PITPNM2: variants seen among roughly 807,000 people sequenced by gnomAD.
PITPNM2 encodes phosphatidylinositol transfer protein membrane associated 2.
In PITPNM2, 35 loss-of-function variants were observed where a neutral mutation model predicts 132.2. That is an observed-to-expected ratio of 0.26 (90% confidence interval 0.20 to 0.35). The LOEUF (loss-of-function observed/expected upper bound fraction) is 0.35. PITPNM2 is among the 10% of genes least tolerant of loss of function. PITPNM2 has a pLI of 1.00. For missense variants in PITPNM2, 1,332 were observed against 1,912.0 expected (o/e 0.70, Z 5.66); for synonymous variants, 738 against 799.2 (o/e 0.92, Z 1.29).
intron 1 of PITPNM2, among the ~76,000 whole-genome samples, chr12:123,112,181 T>A (rs1368746400): frequency 6.6e-6 from 1 of 152,168 alleles, no homozygotes; most frequent in African/African-American, 2.4e-5. Flanking sequence ...AGGGTCAGGC[T>A]AAGGAGCCAA....
intron 2 of PITPNM2, among the ~76,000 whole-genome samples, chr12:123,042,283 AG>A (rs890454810): frequency 2.7e-4 from 41 of 152,150 alleles, no homozygotes; most frequent in African/African-American, 9.9e-4. Flanking sequence ...GCCAGGCTGG[AG>A]GCATGTGATG....
intron 3 of PITPNM2, among the ~76,000 whole-genome samples, chr12:123,030,630 T>C (rs1048042559): frequency 2.6e-5 from 4 of 151,840 alleles, no homozygotes; most frequent in Non-Finnish European, 5.9e-5. Context: ...GAGGCGGAGC[T>C]TGCAGTGAGC....
intron 1 of PITPNM2, among the ~76,000 whole-genome samples, chr12:123,133,118 C>T (rs927902306): frequency 9.2e-5 from 14 of 152,222 alleles, no homozygotes; most frequent in Admixed American, 6.5e-5. Context: ...TGTTTAACCA[C>T]TTGAGGAACC....
In PITPNM2 at chr12:123,009,241, G is replaced by A. The variant is rs751988050; in HGVS notation, c.643+609C>T. On this transcript the variant is annotated intron_variant, in intron 6 of 25. Transcript: ENST00000320201. The surrounding 1 kb of genome is among the most constrained non-coding windows in gnomAD (Gnocchi z 4.8). The stretch of plus-strand genomic sequence containing the variant: ...TGGAATGACATCATGCTATGACCTC[G>A]GCAGAGGGGGGTTTAGGGCTCTAGG... Among the ~76,000 whole-genome samples the A allele has an allele frequency of 6.6e-5, 10 of 152,262 alleles. No homozygotes were observed. Among genetic ancestry groups the A allele is most frequent in the Non-Finnish European group, 1.2e-4 (8 of 68,012 alleles).
Position 123,078,828 on chromosome 12 carries a change from C to T in PITPNM2, c.-96+31557G>A, listed in dbSNP as rs930066316. Among the ~76,000 whole-genome samples, 1 of 152,222 alleles carries T rather than the reference C, an allele frequency of 6.6e-6. No individual in the cohort carries two copies. The highest frequency in any genetic ancestry group is 2.4e-5 in the African/African-American group (1 of 41,452). The stretch of plus-strand genomic sequence containing the variant: ...GCCTGTGCCAGCCTCACTGCTGCAG[C>T]TGCCCACGTCCCAGCTTCGATACTG... On this transcript the variant is annotated intron_variant, in intron 2 of 25. Transcript: ENST00000320201. This position sits in a 1 kb window ranked among gnomAD's most constrained non-coding sequence, Gnocchi z 7.3.
chr12:123,037,972 C>T (rs146416160), intron 2 of PITPNM2, among the ~76,000 whole-genome samples: 51 of 152,088 alleles, frequency 3.4e-4, no homozygotes, highest in African/African-American at 1.0e-3. Context: ...GATATTTTTG[C>T]GTGCAGGCAG....
chr12:123,086,269 C>T (rs898668077), intron 2 of PITPNM2, among the ~76,000 whole-genome samples: 2 of 152,176 alleles, frequency 1.3e-5, no homozygotes, highest in Non-Finnish European at 2.9e-5. Context: ...GTCCTGGCTC[C>T]ATCATTTACC....
chr12:123,015,298 A>G (rs1301505385), intron 3 of PITPNM2, among the ~76,000 whole-genome samples: 1 of 152,186 alleles, frequency 6.6e-6, no homozygotes, highest in Non-Finnish European at 1.5e-5. Context: ...TTACTACAAA[A>G]CTACAGTAAT....
At chr12:122,995,345 T>A (rs775086054) in intron 14 of PITPNM2, 44 bp downstream of exon 14, 3 of 1,542,202 alleles carry the variant, frequency 1.9e-6, no homozygotes, top group Admixed American at 3.7e-5. Context: ...TTGGAGCCTC[T>A]TCCCACACCC....
intron 3 of PITPNM2, among the ~76,000 whole-genome samples, chr12:123,026,391 C>A (rs1347379677): frequency 6.6e-6 from 1 of 152,240 alleles, no homozygotes; most frequent in Non-Finnish European, 1.5e-5. Flanking sequence ...GGAAGTGCAG[C>A]CCTGCGGACA....
chr12:123,097,338 C>T lies in PITPNM2; in HGVS notation c.-96+13047G>A, dbSNP rs1394095173. Among the ~76,000 whole-genome samples the T allele has an allele frequency of 1.3e-5, 2 of 152,184 alleles. No individual in the cohort carries two copies. The highest frequency in any genetic ancestry group is 2.4e-5 in the African/African-American group (1 of 41,452). ...GATTACAGGCATGAGCCACCGCGCC[C>T]GGCCTGCCATCTCCCTTTTATTAGT... On this transcript the variant is annotated intron_variant, in intron 2 of 25. Transcript: ENST00000320201. This position sits in a 1 kb window ranked among gnomAD's most constrained non-coding sequence, Gnocchi z 4.7.
Position 122,987,801 on chromosome 12 carries a change from G to A in PITPNM2, c.3098C>T (p.Thr1033Ile), listed in dbSNP as rs2038001165. Residue 1033 changes from threonine (T) to isoleucine (I), a missense_variant, in exon 21 of 26, where the codon ACC becomes ATC. Around this residue, in one of 6 missense-constraint regions of PITPNM2, gnomAD observed 251 missense variants for 472.0 expected, o/e 0.53. Coordinates refer to ENST00000320201, the MANE Select transcript of PITPNM2 (RefSeq NM_020845.3). Reference protein sequence around the residue: ...RFMYGPLDMVTLTGEKVDVHI... With the variant: ...RFMYGPLDMVILTGEKVDVHI... ...TGTCCTTACCTTCTCCCCAGTCAGGGTGACCATGTCCAGGGGCCCATACAT... is the reference window on the plus strand; with the variant it reads ...TGTCCTTACCTTCTCCCCAGTCAGGATGACCATGTCCAGGGGCCCATACAT... 2 of 1,613,980 alleles carry A rather than the reference G, an allele frequency of 1.2e-6. No individual in the cohort carries two copies. The highest frequency in any genetic ancestry group is 1.7e-6 in the Non-Finnish European group (2 of 1,180,008).
chr12:123,110,872 G>A (rs1002182174), intron 1 of PITPNM2, among the ~76,000 whole-genome samples: 3 of 152,226 alleles, frequency 2.0e-5, no homozygotes, highest in Non-Finnish European at 4.4e-5. Flanking sequence ...CCGCAGAGAG[G>A]AGGCTGGAAA....
chr12:123,039,759 A>C (rs1171297145), intron 2 of PITPNM2, among the ~76,000 whole-genome samples: 1 of 152,146 alleles, frequency 6.6e-6, no homozygotes, highest in African/African-American at 2.4e-5. Flanking sequence ...GGGCACATTG[A>C]TGTGTGATGC....
At position 123,110,943 on chromosome 12, in the gene PITPNM2, G is replaced by T. The variant is rs7953036; in HGVS notation, c.-199-455C>A. On this transcript the variant is annotated intron_variant, in intron 1 of 25. Transcript: ENST00000320201. ...TCCGAGAGGATGGCGTCCTGATGCCGGGACAGGGGCATGGTCATATTGTGG... is the reference window on the plus strand; with the variant it reads ...TCCGAGAGGATGGCGTCCTGATGCCTGGACAGGGGCATGGTCATATTGTGG... 4.1e-3 allele frequency among the ~76,000 whole-genome samples: 630 copies of T among 152,346 alleles called. 4 individuals are homozygous for T. Among genetic ancestry groups the T allele is most frequent in the African/African-American group, 0.015 (604 of 41,576 alleles).
At chr12:123,055,276 G>A (rs949428304) in intron 2 of PITPNM2, among the ~76,000 whole-genome samples, 1 of 152,188 alleles carries the variant, frequency 6.6e-6, no homozygotes, top group African/African-American at 2.4e-5. Context: ...GATGCAGCTC[G>A]ACATAAAGTC....
At chr12:123,046,885 G>A (rs538925158) in intron 2 of PITPNM2, among the ~76,000 whole-genome samples, 7 of 152,320 alleles carry the variant, frequency 4.6e-5, no homozygotes, top group African/African-American at 1.7e-4. Flanking sequence ...CTCAGTAAGT[G>A]ATGGAGTCAA....
At chr12:123,027,194 C>T (rs1465075719) in intron 3 of PITPNM2, among the ~76,000 whole-genome samples, 2 of 152,162 alleles carry the variant, frequency 1.3e-5, no homozygotes, top group Admixed American at 6.5e-5. Flanking sequence ...CCACATACAT[C>T]TTCAGTCACC....
Position 123,036,532 on chromosome 12 carries a change from C to T in PITPNM2, c.-95-1847G>A, listed in dbSNP as rs1045353721. On this transcript the variant is annotated intron_variant, in intron 2 of 25. Transcript: ENST00000320201. The surrounding 1 kb of genome is among the most constrained non-coding windows in gnomAD (Gnocchi z 4.1). ...GACCCTCCTCTCTATTAAAAAAGAA[C>T]CCAATTCTCACATCCAGTTGCTTTA... 6.6e-6 allele frequency among the ~76,000 whole-genome samples: 1 copy of T among 152,230 alleles called. No homozygotes were observed. Among genetic ancestry groups the T allele is most frequent in the Non-Finnish European group, 1.5e-5 (1 of 68,040 alleles).
Sources: allele counts gnomAD v4.1 joint callset (sites outside exome capture counted in the v4.1 genomes callset), GRCh38; gene constraint gnomAD v4.1.1; regional missense constraint gnomAD v4.1.1; non-coding constraint Gnocchi (gnomAD v3.1); transcripts MANE v1.5; gene names NCBI Gene and HGNC (gene_info 2026-07-23, HGNC 2026-07-21).